SPMIP5: variants seen among roughly 807,000 people sequenced by gnomAD.
SPMIP5 encodes sperm microtubule inner protein 5, also known as sperm-associated microtubule inner protein 5.
the SPMIP5 span, chr10:116,664,615 A>AGTTTC: frequency 6.9e-7 from 1 of 1,445,540 alleles, no homozygotes; most frequent in South Asian, 1.5e-5. Context: ...GGAAGCCCTG[A>AGTTTC]AACTACAAAT....
chr10:116,668,227 A>C, the SPMIP5 span: 1 of 1,603,774 alleles, frequency 6.2e-7, no homozygotes, highest in South Asian at 1.1e-5. Flanking sequence ...TTCCCCTGCC[A>C]GGCACAGCTG....
chr10:116,666,888 A>G, the SPMIP5 span, among the ~76,000 whole-genome samples: 1 of 152,236 alleles, frequency 6.6e-6, no homozygotes, highest in Non-Finnish European at 1.5e-5. Context: ...GGACCAAGAC[A>G]TTTAAAATAG....
At chr10:116,667,587 T>C in the SPMIP5 span, among the ~76,000 whole-genome samples, 1 of 152,128 alleles carries the variant, frequency 6.6e-6, no homozygotes. Context: ...CAAGTACTAT[T>C]CCTCCTGAGA....
the SPMIP5 span, among the ~76,000 whole-genome samples, chr10:116,668,612 A>T: frequency 6.6e-6 from 1 of 151,968 alleles, no homozygotes; most frequent in East Asian, 1.9e-4. Context: ...CAGCCATCCA[A>T]CAATTGTGAA....
At chr10:116,667,435 C>T in the SPMIP5 span, among the ~76,000 whole-genome samples, 1 of 152,218 alleles carries the variant, frequency 6.6e-6, no homozygotes, top group African/African-American at 2.4e-5. Context: ...GAATGTTGTA[C>T]TTACCACAGA....
At chr10:116,668,155 G>T in the SPMIP5 span, 1 of 1,144,302 alleles carries the variant, frequency 8.7e-7, no homozygotes, top group Non-Finnish European at 1.3e-6. Flanking sequence ...GCCTAGACTG[G>T]TCCAGTTGGC....
chr10:116,663,042 C>T, the SPMIP5 span, among the ~76,000 whole-genome samples: 11 of 152,044 alleles, frequency 7.2e-5, no homozygotes, highest in Non-Finnish European at 1.3e-4. Context: ...ATCAGCCGGG[C>T]GTGGTGGTGG....
chr10:116,665,450 T>C, the SPMIP5 span: 2 of 581,436 alleles, frequency 3.4e-6, no homozygotes, highest in South Asian at 7.0e-5. Flanking sequence ...AAGAAATGTG[T>C]CTTTCTCATT....
the SPMIP5 span, chr10:116,664,157 G>C: frequency 6.2e-7 from 1 of 1,614,116 alleles, no homozygotes; most frequent in Non-Finnish European, 8.5e-7. Context: ...AGGAAGGAAA[G>C]AGACATTTCT....
At chr10:116,665,757 A>T in the SPMIP5 span, 1 of 1,614,130 alleles carries the variant, frequency 6.2e-7, no homozygotes, top group Non-Finnish European at 8.5e-7. Context: ...TTTCTCCTGG[A>T]AGGTTTTCAC....
chr10:116,665,817 G>A, the SPMIP5 span: 5 of 1,610,124 alleles, frequency 3.1e-6, no homozygotes, highest in Non-Finnish European at 4.2e-6. Context: ...GCTGAGGAAT[G>A]GCACAAAGCC....
At chr10:116,665,006 G>A in the SPMIP5 span, 12 of 1,553,578 alleles carry the variant, frequency 7.7e-6, no homozygotes, top group Non-Finnish European at 1.0e-5. Flanking sequence ...CACTGACCCA[G>A]AAGCTGAGGC....
the SPMIP5 span, chr10:116,665,690 C>T: frequency 6.2e-6 from 10 of 1,614,038 alleles, no homozygotes; most frequent in South Asian, 3.3e-5. Context: ...GTTTCAGTTT[C>T]GGGGCAGTGG....
chr10:116,664,844 G>A, the SPMIP5 span: 1 of 1,614,180 alleles, frequency 6.2e-7, no homozygotes, highest in African/African-American at 1.3e-5. Context: ...CCATGACAGT[G>A]TATCTCGTGC....
At chr10:116,665,660 C>A in the SPMIP5 span, 2 of 1,614,076 alleles carry the variant, frequency 1.2e-6, no homozygotes, top group Non-Finnish European at 1.7e-6. Flanking sequence ...CCTGCAGGAC[C>A]GTCTCCTCGG....
the SPMIP5 span, chr10:116,665,465 G>T: frequency 1.7e-6 from 1 of 589,194 alleles, no homozygotes; most frequent in Non-Finnish European, 2.9e-6. Context: ...CTCATTTTAA[G>T]AAATGGAGCC....
the SPMIP5 span, chr10:116,670,245 G>A: frequency 6.6e-6 from 1 of 152,336 alleles, no homozygotes; most frequent in Non-Finnish European, 1.5e-5. Flanking sequence ...GGGCGTTTTT[G>A]CGGGTGTAGA....
the SPMIP5 span, chr10:116,668,270 G>A: frequency 6.2e-7 from 1 of 1,613,938 alleles, no homozygotes. Flanking sequence ...CTATAGCCTG[G>A]TGTGATTGGC....
chr10:116,668,388 A>G, the SPMIP5 span: 6 of 1,304,800 alleles, frequency 4.6e-6, no homozygotes, highest in South Asian at 7.1e-5. Context: ...AGGAATTACT[A>G]TTGAGTGTGC....
Sources: allele counts gnomAD v4.1 joint callset (sites outside exome capture counted in the v4.1 genomes callset), GRCh38; gene constraint gnomAD v4.1.1; transcripts MANE v1.5; gene names NCBI Gene and HGNC (gene_info 2026-07-23, HGNC 2026-07-21).